PFKFB1: variants seen among roughly 807,000 people sequenced by gnomAD.
The protein encoded by PFKFB1 is 6-phosphofructo-2-kinase/fructose-2,6-biphosphatase 1.
In PFKFB1, 34 loss-of-function variants were observed where a neutral mutation model predicts 46.4. The ratio of observed to expected loss-of-function variants is 0.73; its 90% CI spans 0.56 to 0.98. PFKFB1 has a LOEUF of 0.98. PFKFB1 is among the 50% of genes least tolerant of loss of function. PFKFB1 has a pLI of 0.00. For missense variants in PFKFB1, 393 were observed against 376.3 expected (o/e 1.04, Z -0.37); for synonymous variants, 119 against 133.8 (o/e 0.89, Z 0.76).
intron 9 of PFKFB1, among the ~76,000 whole-genome samples, 158 bp from the exon 10 acceptor site, chrX:54,945,701 CGTGTGTGT>C (rs72018084): frequency 1.2e-4 from 12 of 101,750 alleles, no homozygotes; most frequent in Non-Finnish European, 2.0e-4. Context: ...AGTGTGTATG[CGTGTGTGT>C]GTGTGTGTGT....
chrX:54,988,214 GAAATT>G (rs1409250585), intron 1 of PFKFB1, among the ~76,000 whole-genome samples: 2 of 111,096 alleles, frequency 1.8e-5, no homozygotes, highest in Admixed American at 9.5e-5. Flanking sequence ...CAAACAAAAT[GAAATT>G]AAGTAAAACA....
chrX:54,997,327 G>A (rs977313690), upstream of PFKFB1, among the ~76,000 whole-genome samples: 1 of 111,467 alleles, frequency 9.0e-6, no homozygotes, highest in Non-Finnish European at 1.9e-5. Context: ...CAATGAACTC[G>A]TGGCAGAGAA....
At chrX:54,954,284 C>T (rs889727906) in intron 7 of PFKFB1, among the ~76,000 whole-genome samples, 18 of 111,307 alleles carry the variant, frequency 1.6e-4, no homozygotes, top group African/African-American at 5.2e-4. Context: ...GAGGCCAAGG[C>T]GGGCAGATCA....
At chrX:54,956,694 T>A (rs1934152319) in intron 6 of PFKFB1, among the ~76,000 whole-genome samples, 1 of 110,515 alleles carries the variant, frequency 9.0e-6, no homozygotes, top group African/African-American at 3.3e-5. Context: ...CCTCTCCTAA[T>A]CCACCAATAC....
intron 1 of PFKFB1, among the ~76,000 whole-genome samples, chrX:54,989,815 C>T (rs1358734806): frequency 4.5e-5 from 5 of 111,897 alleles, no homozygotes; most frequent in African/African-American, 1.6e-4. Context: ...GTACTGGAGG[C>T]CTCCTGCTGT....
intron 1 of PFKFB1, among the ~76,000 whole-genome samples, chrX:54,965,326 T>A (rs990303681): frequency 1.8e-5 from 2 of 111,462 alleles, no homozygotes; most frequent in Admixed American, 1.9e-4. Context: ...GTGGGGAACA[T>A]CTTACCCACA....
Position 54,949,211 on chromosome X carries a change from G to T in PFKFB1, c.857C>A (p.Ala286Asp). 8.3e-7 allele frequency: 1 copy of T among 1,201,358 alleles called. No individual in the cohort carries two copies. Among genetic ancestry groups the T allele is most frequent in the Non-Finnish European group, 1.1e-6 (1 of 889,042 alleles). The change falls in exon 9 of 14, where the codon GCC becomes GAC. Residue 286 changes from alanine (A) to aspartate (D), a missense_variant. By Grantham distance (126) the Ala-to-Asp change is moderately radical (BLOSUM62 -2). Coordinates refer to ENST00000375006, the MANE Select transcript of PFKFB1 (RefSeq NM_002625.4). ...LSVRGKQYAY[A>D]LANFIQSQGI... ...CTGGGACTGAATGAAGTTGGCCAGGGCATAGGCATACTAGGATGTGGGGAT... is the reference window on the plus strand; with the variant it reads ...CTGGGACTGAATGAAGTTGGCCAGGTCATAGGCATACTAGGATGTGGGGAT...
chrX:54,953,736 G>A (rs1934054425), intron 7 of PFKFB1, among the ~76,000 whole-genome samples: 2 of 111,608 alleles, frequency 1.8e-5, no homozygotes, highest in Admixed American at 9.5e-5. Flanking sequence ...TGATCTTCTG[G>A]TTTTGCCTTC....
At position 54,990,034 on chromosome X, in the gene PFKFB1, TA is replaced by T. The variant is rs759152644; in HGVS notation, c.97+3876del. Among the ~76,000 whole-genome samples, 6 of 111,540 alleles carry T rather than the reference TA, an allele frequency of 5.4e-5. No individual in the cohort carries two copies. In the South Asian group the frequency reaches 2.3e-3, roughly 42 times the overall value. On this transcript the variant is annotated intron_variant, in intron 1 of 13. Coordinates refer to ENST00000375006, the MANE Select transcript of PFKFB1 (RefSeq NM_002625.4). ...TCTGTGGAATATCAGCCCTGTTTAG[TA>T]GGCCAATTATCTCATTGGACACTTA...
intron 1 of PFKFB1, among the ~76,000 whole-genome samples, chrX:54,966,695 T>TCCTCTC (rs1371288728): frequency 9.0e-6 from 1 of 110,965 alleles, no homozygotes; most frequent in Non-Finnish European, 1.9e-5. Context: ...TACCAGTTTT[T>TCCTCTC]CCTCTCCCTC....
intron 10 of PFKFB1, among the ~76,000 whole-genome samples, chrX:54,939,727 G>T (rs1460401954): frequency 9.0e-6 from 1 of 111,585 alleles, no homozygotes; most frequent in Non-Finnish European, 1.9e-5. Flanking sequence ...CCAATAACAG[G>T]CTCTGAAATT....
At chrX:54,935,075 C>T in intron 11 of PFKFB1, 66 bp from the exon 12 acceptor site, 1 of 871,923 alleles carries the variant, frequency 1.1e-6, no homozygotes, top group Non-Finnish European at 1.7e-6. Context: ...TCCCCAGGCC[C>T]CCAGGCTTGC....
intron 1 of PFKFB1, among the ~76,000 whole-genome samples, chrX:54,982,639 C>G (rs958462337): frequency 2.7e-5 from 3 of 111,352 alleles, no homozygotes; most frequent in African/African-American, 9.8e-5. Context: ...TATGCAAACA[C>G]TAGGCCATTT....
At chrX:54,937,986 C>A (rs919192205) in intron 10 of PFKFB1, among the ~76,000 whole-genome samples, 4 of 111,923 alleles carry the variant, frequency 3.6e-5, no homozygotes, top group Admixed American at 1.9e-4. Context: ...CAACTCCCCA[C>A]TGCAAATTGT....
chrX:54,956,529 A>C (rs1237621468), intron 6 of PFKFB1, among the ~76,000 whole-genome samples: 1 of 111,948 alleles, frequency 8.9e-6, no homozygotes, highest in African/African-American at 3.3e-5. Context: ...ACTCCTTATA[A>C]AAGAAGAACA....
chrX:54,955,537 T>C (rs972105262), intron 7 of PFKFB1, among the ~76,000 whole-genome samples: 6 of 110,886 alleles, frequency 5.4e-5, no homozygotes, highest in African/African-American at 2.0e-4. Flanking sequence ...TACCCGAGGA[T>C]AGAACCCACC....
At chrX:54,991,976 A>G (rs181934840) in intron 1 of PFKFB1, among the ~76,000 whole-genome samples, 144 of 112,337 alleles carry the variant, frequency 1.3e-3, no homozygotes, top group African/African-American at 4.4e-3. Context: ...GAAAAAGGTG[A>G]TTCAGACCTT....
chrX:54,984,826 C>T (rs1427642361), intron 1 of PFKFB1, among the ~76,000 whole-genome samples: 2 of 111,129 alleles, frequency 1.8e-5, no homozygotes, highest in Non-Finnish European at 3.8e-5. Context: ...TGGAGGATCC[C>T]TTCCTCCTCC....
Position 54,956,286 on chromosome X carries a change from G to C in PFKFB1, c.517-12C>G. 1 of 1,210,262 alleles carries C rather than the reference G, an allele frequency of 8.3e-7. No individual in the cohort carries two copies. Among genetic ancestry groups the C allele is most frequent in the East Asian group, 3.0e-5 (1 of 33,821 alleles). The stretch of plus-strand genomic sequence containing the variant: ...CCAAGTTTCACTTGCTGGGAGCAGG[G>C]AGAACAGAGGTATCAAGGGAGACAT... On this transcript the variant is annotated splice_polypyrimidine_tract_variant and intron_variant, in intron 6 of 13. Coordinates refer to ENST00000375006, the MANE Select transcript of PFKFB1 (RefSeq NM_002625.4).
Sources: gnomAD v4.1 joint callset for allele counts (sites outside exome capture counted in the v4.1 genomes callset) on GRCh38, gnomAD v4.1.1 for gene constraint, MANE v1.5 for transcripts, NCBI Gene and HGNC (gene_info 2026-07-23, HGNC 2026-07-21) for gene names.